The following ALMS1 variants were observed in gnomAD, a reference collection of about 807,000 sequenced individuals.
The protein encoded by ALMS1 is ALMS1 centrosome and basal body associated protein.
In ALMS1, 271 loss-of-function variants were observed where a neutral mutation model predicts 352.2. The ratio of observed to expected loss-of-function variants is 0.77; its 90% CI spans 0.70 to 0.85. The LOEUF (loss-of-function observed/expected upper bound fraction) is 0.85, where lower values mean the gene tolerates loss of function less well. Among genes scored for constraint, ALMS1 ranks in the 40% least tolerant of loss-of-function variants. ALMS1 has a pLI of 0.00. For missense variants in ALMS1, 5,445 were observed against 4,870.7 expected, an observed-to-expected ratio of 1.12 and a Z score of -3.51; for synonymous variants, 1,865 against 1,761.2, an observed-to-expected ratio of 1.06 and a Z score of -1.48.
chr2:73,609,318 G>A (rs1165124359), intron 22 of ALMS1, among the ~76,000 whole-genome samples: 3 of 152,224 alleles, frequency 2.0e-5, no homozygotes, highest in African/African-American at 4.8e-5. Context: ...TTATGCTACT[G>A]TATGTGGGAA....
intron 7 of ALMS1, among the ~76,000 whole-genome samples, chr2:73,439,007 TCTC>T (rs1479932950): frequency 1.4e-5 from 2 of 145,614 alleles, no homozygotes; most frequent in Admixed American, 6.8e-5. Flanking sequence ...CTCTTCTTCC[TCTC>T]CTCCTCCTCC....
intron 7 of ALMS1, among the ~76,000 whole-genome samples, chr2:73,435,271 A>G (rs1266011323): frequency 6.6e-6 from 1 of 151,984 alleles, no homozygotes; most frequent in African/African-American, 2.4e-5. Flanking sequence ...TTGGATTCAC[A>G]TTTTCTGGCT....
chr2:73,494,994 T>C (rs1673073319), intron 10 of ALMS1, among the ~76,000 whole-genome samples: 1 of 152,210 alleles, frequency 6.6e-6, no homozygotes, highest in Admixed American at 6.5e-5. Context: ...TTGGAATTCT[T>C]CTGTAAGGAG....
At position 73,449,612 on chromosome 2, in the gene ALMS1, G is replaced by A; in HGVS notation, c.3085G>A (p.Val1029Ile). Residue 1029 changes from valine to isoleucine, a missense_variant, in exon 8 of 23, where the codon GTT becomes ATT. Coordinates refer to ENST00000613296, the MANE Select transcript of ALMS1 (RefSeq NM_001378454.1). ...DSYATEKALKVSTGPGPADQK... is the reference protein window; with the variant it reads ...DSYATEKALKISTGPGPADQK... ...TTATGCAACTGAAAAGGCTCTGAAA[G>A]TTTCAACTGGCCCTGGACCAGCTGA... 2 of 1,614,046 alleles carry A rather than the reference G, an allele frequency of 1.2e-6. No homozygotes were observed. The highest frequency in any genetic ancestry group is 4.5e-5 in the East Asian group (2 of 44,876).
intron 7 of ALMS1, among the ~76,000 whole-genome samples, chr2:73,437,122 T>A (rs1245468919): frequency 6.6e-6 from 1 of 152,226 alleles, no homozygotes; most frequent in African/African-American, 2.4e-5. Flanking sequence ...TTTGTCAGTG[T>A]CCTTAGGCTT....
rs1484730356 is a variant in ALMS1, at chr2:73,482,456, G to A, written c.7675-7178G>A. 4.6e-5 allele frequency among the ~76,000 whole-genome samples: 7 copies of A among 152,090 alleles called. No individual in the cohort carries two copies. The South Asian group carries it at 6.2e-4, about 14-fold the overall frequency. On this transcript the variant is annotated intron_variant, in intron 9 of 22. Transcript: ENST00000613296. Reference sequence around the variant, plus strand: ...CTTGATCATGGTGGATAAGCTTTTCGGTGTGCTGCTGGATTCAGTTTGCCA... The same window carrying A: ...CTTGATCATGGTGGATAAGCTTTTCAGTGTGCTGCTGGATTCAGTTTGCCA...
chr2:73,519,754 T>G, intron 10 of ALMS1, 21 bp from the exon 11 acceptor site: 1 of 1,613,870 alleles, frequency 6.2e-7, no homozygotes, highest in Non-Finnish European at 8.5e-7. Context: ...ATCTGCTGTA[T>G]TCTTTCTCTT....
At chr2:73,387,877 G>A (rs79271819) in intron 1 of ALMS1, among the ~76,000 whole-genome samples, 2,450 of 152,208 alleles carry the variant, frequency 0.016, 65 homozygotes, top group African/African-American at 0.056. Flanking sequence ...GTGGATACAG[G>A]GAAAAGTGGA....
At position 73,453,493 on chromosome 2, in the gene ALMS1, C is replaced by T. The variant is rs370287018; in HGVS notation, c.6966C>T (p.Phe2322=). The change falls in exon 8 of 23, where the codon TTC becomes TTT. Residue 2322 remains phenylalanine, a synonymous_variant. Transcript: ENST00000613296. ...GTGATTTGCTTCACAGACAGCCATT[C>T]ACAGAGGAAAGCCCAAGCAGCAGGT... The part of the protein sequence containing the change: ...SNGDLLHRQP[F]TEESPSSRCI... 6.2e-7 allele frequency: 1 copy of T among 1,613,414 alleles called. No homozygotes were observed. Among genetic ancestry groups the T allele is most frequent in the African/African-American group, 1.3e-5 (1 of 74,780 alleles).
At chr2:73,405,780 T>C (rs1572902994) in intron 1 of ALMS1, among the ~76,000 whole-genome samples, 4 of 152,300 alleles carry the variant, frequency 2.6e-5, no homozygotes, top group Admixed American at 2.0e-4. Flanking sequence ...TTTGTCTTAA[T>C]GTATTATTTC....
intron 10 of ALMS1, among the ~76,000 whole-genome samples, chr2:73,503,602 G>C (rs1225198827): frequency 6.6e-6 from 1 of 152,148 alleles, no homozygotes; most frequent in Non-Finnish European, 1.5e-5. Flanking sequence ...ATAATCCTTT[G>C]GGTATATAGC....
chr2:73,393,993 G>A (rs903873217), intron 1 of ALMS1, among the ~76,000 whole-genome samples: 6 of 151,560 alleles, frequency 4.0e-5, no homozygotes, highest in African/African-American at 1.5e-4. Context: ...GCTAATTTTT[G>A]TAGGTTTTGT....
chr2:73,475,032 A>T (rs775969600), intron 9 of ALMS1, among the ~76,000 whole-genome samples: 8 of 151,834 alleles, frequency 5.3e-5, no homozygotes, highest in African/African-American at 1.7e-4. Context: ...TTTACTTAGC[A>T]TAGTGTTTTC....
rs143748100 is a variant in ALMS1 at position 73,500,133 on chromosome 2, G to A, written c.9539+8635G>A. The stretch of plus-strand genomic sequence containing the variant: ...GTTCTAAATATGATGAATAATTTTG[G>A]ATTGTATTTCATAATGACGTGTTAT... On this transcript the variant is annotated intron_variant, in intron 10 of 22. Transcript: ENST00000613296. Among the ~76,000 whole-genome samples, 816 of 152,284 alleles carry A rather than the reference G, an allele frequency of 5.4e-3. 7 individuals are homozygous for A. The highest frequency in any genetic ancestry group is 0.018 in the African/African-American group (751 of 41,548).
At chr2:73,385,796 C>T, upstream of ALMS1, 1 of 637,614 alleles carries the variant, frequency 1.6e-6, no homozygotes, top group Non-Finnish European at 2.8e-6. Context: ...CCACAACCGC[C>T]AGTCAGGGCT....
chr2:73,583,901 A>G (rs1675253551), intron 16 of ALMS1, among the ~76,000 whole-genome samples: 1 of 152,196 alleles, frequency 6.6e-6, no homozygotes, highest in African/African-American at 2.4e-5. Flanking sequence ...ATATGTTTTC[A>G]AATCAGGAAG....
intron 10 of ALMS1, among the ~76,000 whole-genome samples, chr2:73,502,453 A>G (rs952978284): frequency 2.6e-5 from 4 of 152,146 alleles, no homozygotes; most frequent in African/African-American, 4.8e-5. Context: ...ATACCAAAAC[A>G]AGTAGTAAAA....
chr2:73,557,619 A>G (rs927021383), intron 14 of ALMS1, among the ~76,000 whole-genome samples: 4 of 152,184 alleles, frequency 2.6e-5, no homozygotes, highest in African/African-American at 7.2e-5. Flanking sequence ...TAATTTCCAG[A>G]AATTCATTTA....
In ALMS1 at chr2:73,519,815, G is replaced by A; in HGVS notation, c.9580G>A (p.Glu3194Lys). Reference sequence around the variant, plus strand: ...GAAGACCCCACTTTCTGCTTTCTCTGAAAAATTGTCATCTGATGCAGTCAC... The same window carrying A: ...GAAGACCCCACTTTCTGCTTTCTCTAAAAAATTGTCATCTGATGCAGTCAC... ...KMKTPLSAFSEKLSSDAVTQI... is the reference protein window; with the variant it reads ...KMKTPLSAFSKKLSSDAVTQI... Residue 3194 changes from glutamate to lysine, a missense_variant, in exon 11 of 23, where the codon GAA (glutamate) becomes AAA (lysine). Transcript: ENST00000613296. 1.2e-6 allele frequency: 2 copies of A among 1,613,942 alleles called. No homozygotes were observed. Among genetic ancestry groups the A allele is most frequent in the Non-Finnish European group, 1.7e-6 (2 of 1,179,916 alleles).
Sources: gnomAD v4.1 joint callset for allele counts (sites outside exome capture counted in the v4.1 genomes callset) on GRCh38, gnomAD v4.1.1 for gene constraint, MANE v1.5 for transcripts, NCBI Gene and HGNC (gene_info 2026-07-23, HGNC 2026-07-21) for gene names.